RAB38: variants seen among roughly 807,000 people sequenced by gnomAD.
The protein encoded by RAB38 is ras-related protein Rab-38.
Under a neutral mutation model 18.4 loss-of-function variants are expected in RAB38, and 15 were observed. That is an observed-to-expected ratio of 0.82 (90% CI 0.55 to 1.26). The LOEUF (loss-of-function observed/expected upper bound fraction) is 1.26, where lower values mean the gene tolerates loss of function less well. Among genes scored for constraint, RAB38 ranks in the 50% most tolerant of loss-of-function variants. The probability of loss-of-function intolerance (pLI) is 0.00; values close to 1 mark genes in which losing one functional copy is unlikely to be tolerated. For missense variants in RAB38, 294 were observed against 267.4 expected (o/e 1.10, Z -0.69); for synonymous variants, 101 against 104.4 (o/e 0.97, Z 0.20).
chr11:88,098,607 T>C, the RAB38 span: 1 of 151,974 alleles, frequency 6.6e-6, no homozygotes, highest in Non-Finnish European at 1.5e-5. Flanking sequence ...TTCCATTCTC[T>C]GTTTTTAATG....
chr11:88,012,510 G>A, the RAB38 span, among the ~76,000 whole-genome samples: 1 of 152,174 alleles, frequency 6.6e-6, no homozygotes, highest in East Asian at 1.9e-4. Flanking sequence ...AGCTTGAACA[G>A]CTAGCATACC....
At chr11:88,076,386 A>G in the RAB38 span, among the ~76,000 whole-genome samples, 40 of 152,308 alleles carry the variant, frequency 2.6e-4, no homozygotes, top group Non-Finnish European at 2.4e-4. Flanking sequence ...ACCTACTTTC[A>G]CCATTGTTAT....
At chr11:88,169,608 A>G (rs1450179024) in intron 1 of RAB38, among the ~76,000 whole-genome samples, 1 of 152,290 alleles carries the variant, frequency 6.6e-6, no homozygotes, top group African/African-American at 2.4e-5. Flanking sequence ...CAAGCAAAGG[A>G]GACTGAATTA....
At chr11:88,158,787 G>A (rs952303217) in intron 1 of RAB38, among the ~76,000 whole-genome samples, 4 of 151,814 alleles carry the variant, frequency 2.6e-5, no homozygotes, top group Admixed American at 1.3e-4. Flanking sequence ...AAGAGTGATC[G>A]ATGACAAACC....
the RAB38 span, among the ~76,000 whole-genome samples, chr11:87,930,723 A>G: frequency 2.6e-5 from 4 of 152,180 alleles, no homozygotes; most frequent in African/African-American, 9.7e-5. Context: ...TCTTTAATCC[A>G]TCTTGAATTA....
At chr11:88,147,547 T>G (rs1489865167) in intron 2 of RAB38, among the ~76,000 whole-genome samples, 1 of 145,482 alleles carries the variant, frequency 6.9e-6, no homozygotes, top group African/African-American at 2.6e-5. Context: ...TGAAAATAAG[T>G]GAATTTACCC....
At chr11:87,809,423 C>A in the RAB38 span, among the ~76,000 whole-genome samples, 1 of 152,200 alleles carries the variant, frequency 6.6e-6, no homozygotes, top group Admixed American at 6.5e-5. Flanking sequence ...GGGCTGCAAC[C>A]TGTGGCTCTG....
chr11:87,918,616 T>C, the RAB38 span, among the ~76,000 whole-genome samples: 1 of 152,130 alleles, frequency 6.6e-6, no homozygotes, highest in Admixed American at 6.6e-5. Flanking sequence ...TCATATGTAT[T>C]TCCCTGATGA....
chr11:88,036,978 T>C, the RAB38 span, among the ~76,000 whole-genome samples: 1 of 152,028 alleles, frequency 6.6e-6, no homozygotes, highest in African/African-American at 2.4e-5. Flanking sequence ...TTGTCAAGCT[T>C]AGTTATCAAT....
the RAB38 span, among the ~76,000 whole-genome samples, chr11:87,952,069 G>T: frequency 2.0e-5 from 3 of 152,128 alleles, no homozygotes; most frequent in African/African-American, 7.2e-5. Flanking sequence ...GAAATACGTG[G>T]GTAGAGGAAG....
At chr11:88,161,442 T>C (rs1207903021) in intron 1 of RAB38, among the ~76,000 whole-genome samples, 1 of 152,074 alleles carries the variant, frequency 6.6e-6, no homozygotes, top group East Asian at 1.9e-4. Flanking sequence ...CATAGAATTT[T>C]AAAATTTCTA....
the RAB38 span, among the ~76,000 whole-genome samples, chr11:87,923,961 GA>G: frequency 0.49 from 66,190 of 134,852 alleles, 15,562 homozygotes; most frequent in East Asian, 0.66. Context: ...AGAGAAAATT[GA>G]AAAAAAAAAA....
At chr11:88,112,916 C>T (rs780733821), downstream of RAB38, among the ~76,000 whole-genome samples, 3 of 152,024 alleles carry the variant, frequency 2.0e-5, no homozygotes, top group Non-Finnish European at 4.4e-5. Context: ...CTGTGTAAAC[C>T]AAGGTGTCAC....
the RAB38 span, among the ~76,000 whole-genome samples, chr11:87,809,902 CA>C: frequency 3.3e-5 from 5 of 152,024 alleles, no homozygotes; most frequent in South Asian, 1.0e-3. Flanking sequence ...TAGATTTATC[CA>C]GTTTCAAAAT....
chr11:87,939,494 T>C, the RAB38 span, among the ~76,000 whole-genome samples: 3 of 152,090 alleles, frequency 2.0e-5, no homozygotes, highest in African/African-American at 7.2e-5. Flanking sequence ...TCAACTTAAA[T>C]GACTACAGTT....
chr11:87,838,400 C>T, the RAB38 span, among the ~76,000 whole-genome samples: 1 of 152,212 alleles, frequency 6.6e-6, no homozygotes, highest in Non-Finnish European at 1.5e-5. Flanking sequence ...AGGCGTGAGT[C>T]ACTGTGCCTG....
the RAB38 span, among the ~76,000 whole-genome samples, chr11:87,877,647 T>G: frequency 5.9e-5 from 9 of 151,578 alleles, no homozygotes; most frequent in African/African-American, 2.2e-4. Context: ...TTAGTAATGG[T>G]GCCTCCATAG....
At chr11:87,910,837 A>C in the RAB38 span, among the ~76,000 whole-genome samples, 1 of 151,828 alleles carries the variant, frequency 6.6e-6, no homozygotes, top group African/African-American at 2.4e-5. Flanking sequence ...GGGTTTCACC[A>C]TGTTGGCCAG....
At chr11:88,084,950 G>A in the RAB38 span, among the ~76,000 whole-genome samples, 3 of 151,850 alleles carry the variant, frequency 2.0e-5, no homozygotes, top group Admixed American at 6.6e-5. Flanking sequence ...CAGAATTAAG[G>A]TGTGAAGAAA....
Sources: gnomAD v4.1 joint callset for allele counts (sites outside exome capture counted in the v4.1 genomes callset) on GRCh38, gnomAD v4.1.1 for gene constraint, MANE v1.5 for transcripts, NCBI Gene and HGNC (gene_info 2026-07-23, HGNC 2026-07-21) for gene names.